FAM204A: variants seen among roughly 807,000 people sequenced by gnomAD.
FAM204A encodes family with sequence similarity 204 member A, also known as protein FAM204A.
FAM204A carries 16 observed loss-of-function variants against 35.4 expected under a neutral mutation model. The ratio of observed to expected loss-of-function variants is 0.45; its 90% CI spans 0.31 to 0.69. FAM204A has a LOEUF of 0.69. FAM204A is among the 30% of genes least tolerant of loss of function. The probability of loss-of-function intolerance (pLI) is 0.07; values close to 1 mark genes in which losing one functional copy is unlikely to be tolerated. For synonymous variants in FAM204A, 76 were observed against 86.9 expected, an observed-to-expected ratio of 0.88 and a Z score of 0.70; for missense variants, 240 against 265.7, an observed-to-expected ratio of 0.90 and a Z score of 0.67.
intron 7 of FAM204A, among the ~76,000 whole-genome samples, chr10:118,315,214 T>C (rs1256731771): frequency 6.6e-6 from 1 of 152,162 alleles, no homozygotes; most frequent in African/African-American, 2.4e-5. Flanking sequence ...GTAAAATAGA[T>C]ATAATGGCAC....
Position 118,301,410 on chromosome 10 carries a change from T to TA in FAM204A, c.*9446dup, listed in dbSNP as rs1377285968. On this transcript the variant is annotated 3_prime_UTR_variant, in exon 9 of 9. Coordinates refer to ENST00000369183, the MANE Select transcript of FAM204A (RefSeq NM_022063.3). ...AGCATTTTTGCATTGATTCCTACAG[T>TA]ATGACAGTTAAGAGGGCCAAAAGAC... 6.6e-6 allele frequency: 1 copy of TA among 152,186 alleles called. No homozygotes were observed. The highest frequency in any genetic ancestry group is 1.5e-5 in the Non-Finnish European group (1 of 68,046). The allele number at this position is 152,186 out of a possible 1,614,324, so 9.4% of individuals were successfully genotyped here.
rs1845783138 is a variant in FAM204A at position 118,299,391 on chromosome 10, G to GTTTTTTTGTT, written c.*11465_*11466insAACAAAAAAA. On this transcript the variant is annotated 3_prime_UTR_variant, in exon 9 of 9. Coordinates refer to ENST00000369183, the MANE Select transcript of FAM204A (RefSeq NM_022063.3). ...ACCTCCTCCTTTCTGCTTCCAGAAG[G>GTTTTTTTGTT]TTTTTTTTTTTTTTTTTTTTTTGAG... is the stretch of plus-strand genomic sequence containing the variant. 1 of 90,294 alleles carries GTTTTTTTGTT rather than the reference G, an allele frequency of 1.1e-5. No individual in the cohort carries two copies. The highest frequency in any genetic ancestry group is 5.2e-5 in the African/African-American group (1 of 19,224). The allele number at this position is 90,294 out of a possible 1,614,324, so 5.6% of individuals were successfully genotyped here.
chr10:118,315,684 T>C (rs912092501), intron 7 of FAM204A, among the ~76,000 whole-genome samples: 1 of 152,094 alleles, frequency 6.6e-6, no homozygotes, highest in Non-Finnish European at 1.5e-5. Context: ...AGCTCAACAT[T>C]AATGTCAAGC....
chr10:118,314,907 CTAAAGGCTTTT>C (rs921975873), intron 7 of FAM204A, among the ~76,000 whole-genome samples: 1 of 152,014 alleles, frequency 6.6e-6, no homozygotes, highest in Non-Finnish European at 1.5e-5. Context: ...AAATTAAGCT[CTAAAGGCTTTT>C]TATCACCATA....
In FAM204A at chr10:118,334,634, C is replaced by G. The variant is rs558326105; in HGVS notation, c.453+480G>C. Among the ~76,000 whole-genome samples, 17 of 152,314 alleles carry G rather than the reference C, an allele frequency of 1.1e-4. No homozygotes were observed. In the South Asian group the frequency reaches 3.5e-3, roughly 32 times the overall value. On this transcript the variant is annotated intron_variant, in intron 6 of 8. Coordinates refer to ENST00000369183, the MANE Select transcript of FAM204A (RefSeq NM_022063.3). The stretch of plus-strand genomic sequence containing the variant: ...ATTGTGAATAAAACCCATTTCTTTA[C>G]TAAGCCTTTTGAGGTCCTACACAAT...
intron 7 of FAM204A, among the ~76,000 whole-genome samples, chr10:118,324,866 T>G (rs1281555696): frequency 6.6e-6 from 1 of 152,154 alleles, no homozygotes; most frequent in East Asian, 1.9e-4. Flanking sequence ...TTTAAAAACC[T>G]TATATAAAAT....
rs1357059354 is a variant in FAM204A, at chr10:118,303,328, A to C, written c.*7529T>G. Reference sequence around the variant, plus strand: ...AGCATAAATAACAATGAATCCTCAAAGTGTTTTTAAAAAATTTACAGAACA... The same window carrying C: ...AGCATAAATAACAATGAATCCTCAACGTGTTTTTAAAAAATTTACAGAACA... On this transcript the variant is annotated 3_prime_UTR_variant, in exon 9 of 9. Transcript: ENST00000369183. 6.6e-6 allele frequency: 1 copy of C among 152,242 alleles called. No individual in the cohort carries two copies. Among genetic ancestry groups the C allele is most frequent in the Non-Finnish European group, 1.5e-5 (1 of 68,038 alleles). The allele number at this position is 152,242 out of a possible 1,614,324, so 9.4% of individuals were successfully genotyped here. A position where few individuals can be genotyped will look rare whatever the true frequency, so the allele number is the denominator to read the frequency against.
At chr10:118,319,565 C>A (rs868652172) in intron 7 of FAM204A, among the ~76,000 whole-genome samples, 1 of 151,932 alleles carries the variant, frequency 6.6e-6, no homozygotes, top group African/African-American at 2.4e-5. Flanking sequence ...ACTTTTGATA[C>A]ACCGTGGTTA....
At position 118,309,665 on chromosome 10, in the gene FAM204A, T is replaced by C. The variant is rs1360230423; in HGVS notation, c.*1192A>G. 5 of 152,200 alleles carry C rather than the reference T, an allele frequency of 3.3e-5. No individual in the cohort carries two copies. Among genetic ancestry groups the C allele is most frequent in the African/African-American group, 1.2e-4 (5 of 41,456 alleles). The allele number at this position is 152,200 out of a possible 1,614,324, so 9.4% of individuals were successfully genotyped here. ...ATCTAATGAAAACGATTTCCCATGT[T>C]ACCAATCCTCTCTTTCTGCTCATTA... is the stretch of plus-strand genomic sequence containing the variant. On this transcript the variant is annotated 3_prime_UTR_variant, in exon 9 of 9. Transcript: ENST00000369183.
chr10:118,335,080 TAGCTGGTATA>T, intron 6 of FAM204A, 24 bp downstream of exon 6: 1 of 1,445,426 alleles, frequency 6.9e-7, no homozygotes, highest in Non-Finnish European at 9.7e-7. Context: ...CATATCCTAC[TAGCTGGTATA>T]AGATGCAATA....
In FAM204A at chr10:118,321,491, C is replaced by T. The variant is rs549316240; in HGVS notation, c.543+4663G>A. 2.8e-4 allele frequency among the ~76,000 whole-genome samples: 42 copies of T among 151,990 alleles called. No individual in the cohort carries two copies. The South Asian group carries it at 8.5e-3, about 31-fold the overall frequency. On this transcript the variant is annotated intron_variant, in intron 7 of 8. Transcript: ENST00000369183. The stretch of plus-strand genomic sequence containing the variant: ...AATTATTTTTCTTTTAATCAGAATG[C>T]TATAATCCCACATTAAACACATTTA...
intron 7 of FAM204A, among the ~76,000 whole-genome samples, chr10:118,317,352 T>A (rs703435): frequency 0.96 from 145,288 of 152,130 alleles, 69,703 homozygotes; most frequent in East Asian, 1. Flanking sequence ...TGCAGAAAAA[T>A]TCTACAGTAT....
At chr10:118,327,618 A>G (rs11815290) in intron 6 of FAM204A, among the ~76,000 whole-genome samples, 88 of 152,278 alleles carry the variant, frequency 5.8e-4, no homozygotes, top group African/African-American at 2.0e-3. Context: ...GATGGTCCAA[A>G]CAACACCCTG....
At chr10:118,322,963 A>G (rs1408293832) in intron 7 of FAM204A, among the ~76,000 whole-genome samples, 3 of 152,118 alleles carry the variant, frequency 2.0e-5, no homozygotes, top group African/African-American at 7.2e-5. Context: ...AAAAAGATGG[A>G]CAGTTGTGCA....
intron 2 of FAM204A, among the ~76,000 whole-genome samples, chr10:118,340,929 TACAGA>T (rs1354035192): frequency 2.0e-5 from 3 of 152,202 alleles, no homozygotes; most frequent in East Asian, 1.9e-4. Context: ...TTATGAATTT[TACAGA>T]GCAGAGTTGT....
intron 7 of FAM204A, among the ~76,000 whole-genome samples, chr10:118,324,558 A>G (rs1564759338): frequency 6.6e-6 from 1 of 152,214 alleles, no homozygotes; most frequent in Non-Finnish European, 1.5e-5. Flanking sequence ...AGTAAATTTG[A>G]GGACACTATG....
At chr10:118,321,742 A>AAAAAAAAAC (rs1446945665) in intron 7 of FAM204A, among the ~76,000 whole-genome samples, 1 of 150,558 alleles carries the variant, frequency 6.6e-6, no homozygotes, top group Non-Finnish European at 1.5e-5. Flanking sequence ...AAAAAAAAAA[A>AAAAAAAAAC]AAGAATCCTA....
intron 7 of FAM204A, among the ~76,000 whole-genome samples, chr10:118,316,014 T>G (rs1241828634): frequency 1.3e-5 from 2 of 152,150 alleles, no homozygotes; most frequent in East Asian, 3.9e-4. Flanking sequence ...TCATTTACTT[T>G]TTATCCAATT....
intron 7 of FAM204A, among the ~76,000 whole-genome samples, chr10:118,325,411 G>A (rs1246941677): frequency 1.3e-5 from 2 of 151,944 alleles, no homozygotes; most frequent in Non-Finnish European, 2.9e-5. Context: ...AAACACTATG[G>A]AGTAGTTAAA....
Sources: allele counts gnomAD v4.1 joint callset (sites outside exome capture counted in the v4.1 genomes callset), GRCh38; gene constraint gnomAD v4.1.1; transcripts MANE v1.5; gene names NCBI Gene and HGNC (gene_info 2026-07-23, HGNC 2026-07-21).